The following METTL2B variants were observed in gnomAD, a reference collection of about 807,000 sequenced individuals.
The protein encoded by METTL2B is methyltransferase 2B, tRNA N3-cytidine, also known as tRNA N(3)-cytidine methyltransferase METTL2B.
Under a neutral mutation model 51.0 loss-of-function variants are expected in METTL2B, and 28 were observed. The observed-to-expected ratio is 0.55, with a 90% CI of 0.41 to 0.75. METTL2B has a LOEUF of 0.75. METTL2B is among the 30% of genes least tolerant of loss of function. METTL2B has a pLI of 0.00. For synonymous variants in METTL2B, 128 were observed against 166.3 expected, an observed-to-expected ratio of 0.77 and a Z score of 1.77; for missense variants, 313 against 460.7, an observed-to-expected ratio of 0.68 and a Z score of 2.93.
chr7:128,479,250 G>A lies in METTL2B; in HGVS notation c.295G>A (p.Glu99Lys), dbSNP rs776752874. 33 of 1,614,044 alleles carry A rather than the reference G, an allele frequency of 2.0e-5. No individual in the cohort carries two copies. Among genetic ancestry groups the A allele is most frequent in the Middle Eastern group, 1.6e-4 (1 of 6,084 alleles). The change falls in exon 3 of 9, where the codon GAA becomes AAA. Residue 99 changes from glutamate (E) to lysine (K), a missense_variant. Transcript: ENST00000262432. ...CAAGGATAGACATTGGCTTTTTACC[G>A]AATTCCCTGAGCTGGCACCTAGCCA... ...FFKDRHWLFT[E>K]FPELAPSQNQ...
intron 5 of METTL2B, among the ~76,000 whole-genome samples, chr7:128,489,311 C>T (rs1396205299): frequency 4.0e-5 from 6 of 151,450 alleles, no homozygotes; most frequent in Admixed American, 3.3e-4. Context: ...TGGTGGGCAC[C>T]TGTAGTCACA....
chr7:128,477,840 C>T (rs1331153100), intron 2 of METTL2B: 1 of 336,750 alleles, frequency 3.0e-6, no homozygotes. Flanking sequence ...CAAAAAGGTT[C>T]CAGTTACAAA....
intron 7 of METTL2B, among the ~76,000 whole-genome samples, chr7:128,499,444 C>T (rs1792986070): frequency 6.6e-6 from 1 of 151,636 alleles, no homozygotes; most frequent in African/African-American, 2.4e-5. Flanking sequence ...CCTCTGCCTC[C>T]TGGGTCCACC....
chr7:128,498,258 C>A, intron 7 of METTL2B, 116 bp downstream of exon 7: 13 of 1,163,472 alleles, frequency 1.1e-5, no homozygotes, highest in African/African-American at 1.6e-5. Context: ...AACCAAACAC[C>A]ATATTTTCTC....
chr7:128,501,482 C>G, intron 8 of METTL2B: 1 of 985,316 alleles, frequency 1.0e-6, no homozygotes, highest in Non-Finnish European at 1.2e-6. Context: ...CTTTGACATA[C>G]GTAGATAGTT....
intron 7 of METTL2B, 127 bp downstream of exon 7, chr7:128,498,269 A>G (rs1199573172): frequency 2.9e-6 from 3 of 1,041,202 alleles, no homozygotes; most frequent in African/African-American, 3.3e-5. Context: ...ATATTTTCTC[A>G]CTCATAAGTG....
rs187123264 is a variant in METTL2B, at chr7:128,492,866, T to A, written c.670-938T>A. ...CTCCTGACCTCATGATCTGCGCGCC[T>A]CGGCCTCCCAAAGTGCTAGGATTAC... On this transcript the variant is annotated intron_variant, in intron 5 of 8. Coordinates refer to ENST00000262432, the MANE Select transcript of METTL2B (RefSeq NM_018396.3). 2.8e-4 allele frequency among the ~76,000 whole-genome samples: 43 copies of A among 152,128 alleles called. No individual in the cohort carries two copies. In the South Asian group the frequency reaches 3.9e-3, roughly 14 times the overall value.
intron 8 of METTL2B, chr7:128,501,232 C>A: frequency 1.0e-6 from 1 of 985,420 alleles, no homozygotes; most frequent in Non-Finnish European, 1.2e-6. Context: ...GGAAGCCTGC[C>A]CACTCTGCAA....
At chr7:128,478,274 C>T (rs1405918567) in intron 2 of METTL2B, among the ~76,000 whole-genome samples, 1 of 146,464 alleles carries the variant, frequency 6.8e-6, no homozygotes, top group Admixed American at 6.9e-5. Flanking sequence ...TTTTTGGAGG[C>T]GGAGTCTCGC....
intron 8 of METTL2B, 80 bp downstream of exon 8, chr7:128,501,048 T>C: frequency 4.4e-6 from 7 of 1,597,112 alleles, no homozygotes; most frequent in Non-Finnish European, 5.1e-6. Context: ...GAAAACTATC[T>C]GGCCCCTCCT....
chr7:128,484,498 T>G (rs1374520538), intron 4 of METTL2B, among the ~76,000 whole-genome samples: 1 of 152,110 alleles, frequency 6.6e-6, no homozygotes, highest in Non-Finnish European at 1.5e-5. Flanking sequence ...CTCAGGCTAA[T>G]GTATTTTTCA....
chr7:128,497,522 G>A (rs1465727322), intron 6 of METTL2B, among the ~76,000 whole-genome samples: 3 of 152,106 alleles, frequency 2.0e-5, no homozygotes, highest in Non-Finnish European at 4.4e-5. Flanking sequence ...TTACTCTGCC[G>A]CCCAGGCCGG....
rs1477808024 is a variant in METTL2B, at chr7:128,503,887, A to G, written c.*1971A>G. On this transcript the variant is annotated 3_prime_UTR_variant, in exon 9 of 9. Coordinates refer to ENST00000262432, the MANE Select transcript of METTL2B (RefSeq NM_018396.3). ...GTTGTGGGCGCCTGTAATCCCAGCTACTCAGGAGGCTGAGGTAGGAGAATT... is the reference window on the plus strand; with the variant it reads ...GTTGTGGGCGCCTGTAATCCCAGCTGCTCAGGAGGCTGAGGTAGGAGAATT... 1 of 151,844 alleles carries G rather than the reference A, an allele frequency of 6.6e-6. No individual in the cohort carries two copies. The highest frequency in any genetic ancestry group is 1.9e-4 in the East Asian group (1 of 5,146). 9.4% of individuals were successfully genotyped at this position (151,844 alleles called of 1,614,324 possible).
rs1793043504 is a variant in METTL2B at position 128,502,248 on chromosome 7, A to G, written c.*332A>G. ...ATATTTGTGAAGTCCTTTAAAACAT[A>G]ATTTTCTCAAGTTCTTTCTTTGAGA... On this transcript the variant is annotated 3_prime_UTR_variant, in exon 9 of 9. Transcript: ENST00000262432. 1 of 281,490 alleles carries G rather than the reference A, an allele frequency of 3.6e-6. No individual in the cohort carries two copies. Among genetic ancestry groups the G allele is most frequent in the Non-Finnish European group, 6.7e-6 (1 of 149,770 alleles). 17.4% of individuals were successfully genotyped at this position (281,490 alleles called of 1,614,324 possible). A position where few individuals can be genotyped will look rare whatever the true frequency, so the allele number is the denominator to read the frequency against.
intron 7 of METTL2B, among the ~76,000 whole-genome samples, chr7:128,498,604 G>A (rs1211507589): frequency 6.6e-6 from 1 of 152,052 alleles, no homozygotes; most frequent in East Asian, 1.9e-4. Flanking sequence ...ATGTGACAGA[G>A]TAGTATATTT....
intron 5 of METTL2B, among the ~76,000 whole-genome samples, chr7:128,491,347 G>C (rs1792826431): frequency 6.6e-6 from 1 of 151,924 alleles, no homozygotes; most frequent in Admixed American, 6.6e-5. Flanking sequence ...TGTAATCCCA[G>C]CACTTTGGGA....
At chr7:128,496,811 C>T (rs1333845906) in intron 6 of METTL2B, among the ~76,000 whole-genome samples, 2 of 151,962 alleles carry the variant, frequency 1.3e-5, no homozygotes, top group South Asian at 2.1e-4. Flanking sequence ...GACAGAGTTT[C>T]GCTCTTGTTG....
At chr7:128,484,777 T>G (rs1237304833) in intron 4 of METTL2B, among the ~76,000 whole-genome samples, 4 of 151,896 alleles carry the variant, frequency 2.6e-5, no homozygotes, top group Non-Finnish European at 4.4e-5. Flanking sequence ...ATTTTTAGGA[T>G]TCACTGTGTT....
In METTL2B at chr7:128,504,438, C is replaced by T. The variant is rs9690423; in HGVS notation, c.*2522C>T. ...CACGATCTCGGCTCACTGCAATCTC[C>T]ACCTCCCAAGTTTAAGTGATTCTCC... On this transcript the variant is annotated 3_prime_UTR_variant, in exon 9 of 9. Transcript: ENST00000262432. 57,547 of 148,828 alleles carry T rather than the reference C, an allele frequency of 0.39. 11,219 individuals carry two copies. Among genetic ancestry groups the T allele is most frequent in the Middle Eastern group, 0.43 (125 of 292 alleles). 9.2% of individuals were successfully genotyped at this position (148,828 alleles called of 1,614,324 possible). A position where few individuals can be genotyped will look rare whatever the true frequency, so the allele number is the denominator to read the frequency against.
Sources: gnomAD v4.1 joint callset for allele counts (sites outside exome capture counted in the v4.1 genomes callset) on GRCh38, gnomAD v4.1.1 for gene constraint, MANE v1.5 for transcripts, NCBI Gene and HGNC (gene_info 2026-07-23, HGNC 2026-07-21) for gene names.